TMEM243: variants seen among roughly 807,000 people sequenced by gnomAD.
TMEM243 encodes the protein MDR1 and mitochondrial taxol resistance associated.
In TMEM243, 20 loss-of-function variants were observed where a neutral mutation model predicts 15.0. That is an observed-to-expected ratio of 1.33 (90% CI 0.94 to 1.93). TMEM243 has a LOEUF of 1.93. TMEM243 is among the 30% of genes most tolerant of loss of function. The pLI is 0.00. For synonymous variants in TMEM243, 72 were observed against 52.7 expected (o/e 1.37, Z -1.59); for missense variants, 156 against 142.1 (o/e 1.10, Z -0.50).
chr7:87,203,890 T>C (rs912748008), intron 1 of TMEM243, among the ~76,000 whole-genome samples: 4 of 152,194 alleles, frequency 2.6e-5, no homozygotes, highest in Admixed American at 1.3e-4. Context: ...TCAACTCATT[T>C]CCCAAAAAAG....
intron 1 of TMEM243, among the ~76,000 whole-genome samples, chr7:87,212,591 C>A (rs1417307256): frequency 1.3e-5 from 2 of 152,106 alleles, no homozygotes; most frequent in Non-Finnish European, 2.9e-5. Context: ...GCCTCTGCTA[C>A]ATACAACTTA....
intron 1 of TMEM243, among the ~76,000 whole-genome samples, chr7:87,213,032 AT>A (rs1453000324): frequency 6.6e-6 from 1 of 152,238 alleles, no homozygotes; most frequent in African/African-American, 2.4e-5. Context: ...ACTGAGCAGA[AT>A]TCAGATATTT....
chr7:87,208,935 G>T (rs1009110652), intron 1 of TMEM243, among the ~76,000 whole-genome samples: 12 of 152,226 alleles, frequency 7.9e-5, no homozygotes, highest in Non-Finnish European at 1.5e-4. Context: ...CAACCACGAT[G>T]GCTAGCAGGA....
At chr7:87,206,849 C>CA (rs1380917171) in intron 1 of TMEM243, among the ~76,000 whole-genome samples, 2 of 152,202 alleles carry the variant, frequency 1.3e-5, no homozygotes, top group African/African-American at 4.8e-5. Flanking sequence ...ATGAAAGACT[C>CA]AAAGCAGAAA....
chr7:87,206,273 T>A (rs1418181275), intron 1 of TMEM243, among the ~76,000 whole-genome samples: 1 of 152,160 alleles, frequency 6.6e-6, no homozygotes, highest in Non-Finnish European at 1.5e-5. Flanking sequence ...ATCATCATCC[T>A]TCAGAACTCA....
At chr7:87,202,417 T>G (rs1400025948) in intron 1 of TMEM243, among the ~76,000 whole-genome samples, 2 of 152,182 alleles carry the variant, frequency 1.3e-5, no homozygotes, top group Non-Finnish European at 2.9e-5. Context: ...TCATGAGAGC[T>G]GAGAGGAAAA....
At chr7:87,202,306 A>T (rs1801876352) in intron 1 of TMEM243, among the ~76,000 whole-genome samples, 1 of 152,186 alleles carries the variant, frequency 6.6e-6, no homozygotes, top group Non-Finnish European at 1.5e-5. Flanking sequence ...AAAGGAAAGG[A>T]AAGATGGTTC....
intron 1 of TMEM243, among the ~76,000 whole-genome samples, chr7:87,203,461 A>G (rs114075969): frequency 5.3e-5 from 8 of 152,036 alleles, no homozygotes; most frequent in Non-Finnish European, 1.2e-4. Flanking sequence ...AAAAAAATAT[A>G]AAAATTATCT....
chr7:87,210,373 A>C (rs981617188), intron 1 of TMEM243, among the ~76,000 whole-genome samples: 3 of 152,206 alleles, frequency 2.0e-5, no homozygotes, highest in Non-Finnish European at 4.4e-5. Flanking sequence ...CCGAAGTCTT[A>C]ACTCATTCCA....
chr7:87,203,567 A>C (rs1362650514), intron 1 of TMEM243, among the ~76,000 whole-genome samples: 1 of 151,950 alleles, frequency 6.6e-6, no homozygotes. Context: ...GTGAGCAAGG[A>C]TCACGCCACT....
At chr7:87,219,327 T>G (rs1391887258) in intron 1 of TMEM243, 99 bp downstream of exon 1, 2 of 1,136,346 alleles carry the variant, frequency 1.8e-6, no homozygotes, top group African/African-American at 1.5e-5. Context: ...TCCCTAAAAG[T>G]GCTTTTAGGA....
Position 87,219,699 on chromosome 7 carries a change from C to G in TMEM243, c.-196G>C, listed in dbSNP as rs939038522. ...GCGACTGCTCCGCCCCGGCCCCGCGCACCTCCTCATCTTGAGCAGCTGCCG... is the reference window on the plus strand; with the variant it reads ...GCGACTGCTCCGCCCCGGCCCCGCGGACCTCCTCATCTTGAGCAGCTGCCG... On this transcript the variant is annotated 5_prime_UTR_variant, in exon 1 of 4. Coordinates refer to ENST00000257637, the MANE Select transcript of TMEM243 (RefSeq NM_024315.4). 3.4e-6 allele frequency: 2 copies of G among 594,070 alleles called. No homozygotes were observed. The highest frequency in any genetic ancestry group is 1.9e-5 in the African/African-American group (1 of 53,528). The allele number at this position is 594,070 out of a possible 1,614,324, so 36.8% of individuals were successfully genotyped here.
At position 87,219,388 on chromosome 7, in the gene TMEM243, A is replaced by G. The variant is rs202099127; in HGVS notation, c.78+38T>C. 3.4e-4 allele frequency: 550 copies of G among 1,599,650 alleles called. 1 individual carries two copies. The highest frequency in any genetic ancestry group is 2.6e-3 in the Admixed American group (153 of 59,894). ...CCGCCAGAGGGCAGGCAGCAGACAC[A>G]CCCCCCATCCCAGTCTGGAGTCACA... is the stretch of plus-strand genomic sequence containing the variant. On this transcript the variant is annotated intron_variant, in intron 1 of 3. Coordinates refer to ENST00000257637, the MANE Select transcript of TMEM243 (RefSeq NM_024315.4).
At chr7:87,204,879 T>G (rs984581765) in intron 1 of TMEM243, among the ~76,000 whole-genome samples, 1 of 152,218 alleles carries the variant, frequency 6.6e-6, no homozygotes, top group Non-Finnish European at 1.5e-5. Context: ...ACCCCACATT[T>G]CCCTTCCTTG....
rs1187285840 is a variant in TMEM243 at position 87,209,608 on chromosome 7, GAGAC to G, written c.78+9814_78+9817del. Among the ~76,000 whole-genome samples the G allele has an allele frequency of 8.6e-4, 119 of 139,104 alleles. 2 individuals are homozygous for G. In the South Asian group the frequency reaches 0.016, roughly 18 times the overall value. 91.3% of individuals were successfully genotyped at this position (139,104 alleles called of 152,430 possible). A position where few individuals can be genotyped will look rare whatever the true frequency, so the allele number is the denominator to read the frequency against. On this transcript the variant is annotated intron_variant, in intron 1 of 3. Coordinates refer to ENST00000257637, the MANE Select transcript of TMEM243 (RefSeq NM_024315.4). Reference sequence around the variant, plus strand: ...AGACAGTGAGACAGTGAGAGAGAGAGAGACAGAGAGAGAGACTGAGATAGAGAGC... The same window carrying G: ...AGACAGTGAGACAGTGAGAGAGAGAGAGAGAGAGAGACTGAGATAGAGAGC...
rs1803350244 is a variant in TMEM243 at position 87,219,516 on chromosome 7, T to C, written c.-13A>G. The C allele has an allele frequency of 6.2e-7, 1 of 1,613,868 alleles. No homozygotes were observed. Among genetic ancestry groups the C allele is most frequent in the Non-Finnish European group, 8.5e-7 (1 of 1,179,778 alleles). Reference sequence around the variant, plus strand: ...CAAAGTCCTCCATTTTGGGGTTTCTTCACTTTCCCCAAGCCACTTAAAAGC... The same window carrying C: ...CAAAGTCCTCCATTTTGGGGTTTCTCCACTTTCCCCAAGCCACTTAAAAGC... On this transcript the variant is annotated 5_prime_UTR_variant, in exon 1 of 4. Coordinates refer to ENST00000257637, the MANE Select transcript of TMEM243 (RefSeq NM_024315.4).
intron 1 of TMEM243, among the ~76,000 whole-genome samples, chr7:87,204,194 G>A (rs139113386): frequency 6.6e-6 from 1 of 152,140 alleles, no homozygotes; most frequent in African/African-American, 2.4e-5. Context: ...CAGTATGGGG[G>A]AAACCGTCCC....
At chr7:87,204,016 T>G (rs1243247333) in intron 1 of TMEM243, among the ~76,000 whole-genome samples, 1 of 152,146 alleles carries the variant, frequency 6.6e-6, no homozygotes, top group East Asian at 1.9e-4. Flanking sequence ...AAAAAGAGAT[T>G]TAATGGACTC....
chr7:87,199,024 T>G lies in TMEM243; in HGVS notation c.112A>C (p.Thr38Pro). The change falls in exon 2 of 4, where the codon ACA becomes CCA. Residue 38 changes from threonine (T) to proline (P), a missense_variant. Coordinates refer to ENST00000257637, the MANE Select transcript of TMEM243 (RefSeq NM_024315.4). ...RIINLVVGSL[T>P]SLLILVTLIS... ...ATACTTACTAGAATCAATAAGGATG[T>G]TAAGCTGCCAACAACTAAATTGATG... 6.2e-7 allele frequency: 1 copy of G among 1,605,822 alleles called. No homozygotes were observed. Among genetic ancestry groups the G allele is most frequent in the Non-Finnish European group, 8.5e-7 (1 of 1,177,290 alleles).
Sources: gnomAD v4.1 joint callset for allele counts (sites outside exome capture counted in the v4.1 genomes callset) on GRCh38, gnomAD v4.1.1 for gene constraint, MANE v1.5 for transcripts, NCBI Gene and HGNC (gene_info 2026-07-23, HGNC 2026-07-21) for gene names.